Variants in CUL1 observed in about 807,000 individuals in gnomAD.
CUL1 encodes the protein cullin 1.
CUL1 carries 24 observed loss-of-function variants against 118.0 expected under a neutral mutation model. The observed-to-expected ratio is 0.20, with a 90% confidence interval of 0.15 to 0.29. CUL1 has a LOEUF of 0.29. Ranked by LOEUF, CUL1 falls within the 10% of genes least tolerant of loss-of-function variation. The pLI, the probability that CUL1 is intolerant of heterozygous loss-of-function variation, is 1.00. For missense variants in CUL1, 361 were observed against 933.8 expected (o/e 0.39, Z 7.99); for synonymous variants, 332 against 340.4 (o/e 0.98, Z 0.27).
chr7:148,784,854 G>A (rs1800765595), intron 11 of CUL1, among the ~76,000 whole-genome samples: 1 of 152,216 alleles, frequency 6.6e-6, no homozygotes, highest in East Asian at 1.9e-4. Context: ...ATACCAGAAT[G>A]AAAAGACTAC....
chr7:148,749,210 A>G (rs1348721786), intron 2 of CUL1, among the ~76,000 whole-genome samples: 1 of 152,178 alleles, frequency 6.6e-6, no homozygotes, highest in African/African-American at 2.4e-5. Context: ...TGAGGTCAGG[A>G]GTTCGAGACC....
At chr7:148,706,626 A>G (rs1333565766) in intron 1 of CUL1, among the ~76,000 whole-genome samples, 1 of 114,588 alleles carries the variant, frequency 8.7e-6, no homozygotes, top group East Asian at 3.0e-4. Flanking sequence ...CCTTTGTTAC[A>G]TGTTCTATAT....
intron 8 of CUL1, 102 bp from the exon 9 acceptor site, chr7:148,767,517 A>G (rs1414415424): frequency 9.7e-7 from 1 of 1,028,336 alleles, no homozygotes; most frequent in East Asian, 2.4e-5. Context: ...AAACATGGTT[A>G]TCTTTTGCAG....
chr7:148,704,779 G>A (rs928467380), intron 1 of CUL1, among the ~76,000 whole-genome samples: 1 of 152,018 alleles, frequency 6.6e-6, no homozygotes, highest in African/African-American at 2.4e-5. Flanking sequence ...TCTCTGAGCA[G>A]TGGAGTTATT....
At chr7:148,726,419 A>G (rs1246177663) in intron 1 of CUL1, among the ~76,000 whole-genome samples, 1 of 152,132 alleles carries the variant, frequency 6.6e-6, no homozygotes, top group African/African-American at 2.4e-5. Flanking sequence ...TTAAATTTCA[A>G]AATATCTGAG....
rs768968952 is a variant in CUL1 at position 148,759,539 on chromosome 7, T to C, written c.535-9T>C. 5.1e-6 allele frequency: 8 copies of C among 1,573,588 alleles called. No individual in the cohort carries two copies. In the African/African-American group the frequency reaches 1.1e-4, roughly 21 times the overall value. Reference sequence around the variant, plus strand: ...ACCTGTGTAATATTTTTCTACATCCTTTCTAAAGGTAACAAATGCTGTTTT... The same window carrying C: ...ACCTGTGTAATATTTTTCTACATCCCTTCTAAAGGTAACAAATGCTGTTTT... On this transcript the variant is annotated splice_polypyrimidine_tract_variant and intron_variant, in intron 5 of 21. Coordinates refer to ENST00000325222, the MANE Select transcript of CUL1 (RefSeq NM_003592.3).
chr7:148,722,862 G>T (rs1201403059), intron 1 of CUL1, among the ~76,000 whole-genome samples: 1 of 152,202 alleles, frequency 6.6e-6, no homozygotes, highest in Non-Finnish European at 1.5e-5. Flanking sequence ...CCTCTTCCCA[G>T]CCAGAGGCAG....
At chr7:148,701,593 G>C (rs759104336) in intron 1 of CUL1, among the ~76,000 whole-genome samples, 5 of 152,192 alleles carry the variant, frequency 3.3e-5, no homozygotes, top group Non-Finnish European at 1.5e-5. Context: ...GAAGCAGTTT[G>C]GTAGTTAAGG....
At chr7:148,789,597 C>G (rs1350320598) in intron 14 of CUL1, among the ~76,000 whole-genome samples, 153 bp from the exon 15 acceptor site, 1 of 152,098 alleles carries the variant, frequency 6.6e-6, no homozygotes, top group Non-Finnish European at 1.5e-5. Flanking sequence ...ATAAAATGTT[C>G]AATTCTTAAT....
intron 1 of CUL1, among the ~76,000 whole-genome samples, chr7:148,713,191 A>G (rs879614019): frequency 6.6e-6 from 1 of 152,240 alleles, no homozygotes; most frequent in Non-Finnish European, 1.5e-5. Flanking sequence ...AACAAAATAC[A>G]CGCAAGTACC....
chr7:148,799,854 C>T (rs1028724816), intron 21 of CUL1, among the ~76,000 whole-genome samples: 2 of 152,182 alleles, frequency 1.3e-5, no homozygotes, highest in Admixed American at 6.5e-5. Context: ...AGCACTGGGT[C>T]GTTTTTGTTG....
intron 8 of CUL1, among the ~76,000 whole-genome samples, chr7:148,767,049 C>A (rs1247667269): frequency 6.6e-6 from 1 of 152,112 alleles, no homozygotes; most frequent in East Asian, 1.9e-4. Flanking sequence ...TTAACCACTC[C>A]CATGTTTTAC....
chr7:148,791,494 A>G (rs367910369), intron 16 of CUL1, among the ~76,000 whole-genome samples: 2 of 152,244 alleles, frequency 1.3e-5, no homozygotes, highest in Non-Finnish European at 2.9e-5. Flanking sequence ...CCAAATATAC[A>G]TAGAAGAATC....
intron 4 of CUL1, among the ~76,000 whole-genome samples, chr7:148,757,532 C>T (rs1799694507): frequency 6.6e-6 from 1 of 152,188 alleles, no homozygotes; most frequent in Non-Finnish European, 1.5e-5. Context: ...CCCTCCCATG[C>T]TTTAGAGTCT....
chr7:148,704,264 C>G (rs1563144559), intron 1 of CUL1, among the ~76,000 whole-genome samples: 1 of 149,636 alleles, frequency 6.7e-6, no homozygotes, highest in Non-Finnish European at 1.5e-5. Context: ...CCCAGAAATG[C>G]AAATCAGTGA....
chr7:148,699,947 C>T (rs1028630388), intron 1 of CUL1, among the ~76,000 whole-genome samples: 2 of 152,228 alleles, frequency 1.3e-5, no homozygotes, highest in East Asian at 1.9e-4. Flanking sequence ...ACCCCCGTTT[C>T]TGCCACCCGT....
chr7:148,792,426 A>G (rs1449850524), intron 16 of CUL1, among the ~76,000 whole-genome samples: 2 of 152,200 alleles, frequency 1.3e-5, no homozygotes, highest in African/African-American at 2.4e-5. Flanking sequence ...GATTGTCTCT[A>G]TAAATGCGTG....
chr7:148,700,888 C>A (rs1307410478), intron 1 of CUL1, among the ~76,000 whole-genome samples: 1 of 152,158 alleles, frequency 6.6e-6, no homozygotes, highest in African/African-American at 2.4e-5. Context: ...CCAGCCCCAC[C>A]CCCCACTCCT....
intron 19 of CUL1, 53 bp downstream of exon 19, chr7:148,798,072 G>A: frequency 9.2e-7 from 1 of 1,087,638 alleles, no homozygotes; most frequent in East Asian, 2.5e-5. Flanking sequence ...CGTCCCCCGG[G>A]AGCCCTAGCA....
Sources: gnomAD v4.1 joint callset for allele counts (sites outside exome capture counted in the v4.1 genomes callset) on GRCh38, gnomAD v4.1.1 for gene constraint, MANE v1.5 for transcripts, NCBI Gene and HGNC (gene_info 2026-07-23, HGNC 2026-07-21) for gene names.